The following ERC1 variants were observed in gnomAD, a reference collection of about 807,000 sequenced individuals.
The protein encoded by ERC1 is RAB6 interacting protein 2.
A neutral mutation model predicts 132.0 loss-of-function variants in ERC1; 56 were observed. That is an observed-to-expected ratio of 0.42 (90% CI 0.34 to 0.53). The LOEUF is 0.53. Among genes scored for constraint, ERC1 ranks in the 20% least tolerant of loss-of-function variants. The pLI is 0.03. For synonymous variants in ERC1, 478 were observed against 476.1 expected (o/e 1.00, Z -0.05); for missense variants, 1,202 against 1,349.9 (o/e 0.89, Z 1.72).
At chr12:1,108,867 G>A (rs1248449483) in intron 4 of ERC1, among the ~76,000 whole-genome samples, 1 of 152,158 alleles carries the variant, frequency 6.6e-6, no homozygotes, top group Non-Finnish European at 1.5e-5. Context: ...CCTTGAACCT[G>A]AAAATAGCTA....
chr12:1,255,768 G>A (rs1197956319), intron 13 of ERC1, among the ~76,000 whole-genome samples: 2 of 151,192 alleles, frequency 1.3e-5, no homozygotes, highest in East Asian at 3.9e-4. Context: ...GAGTAGCTGG[G>A]ACTACAGGCA....
intron 7 of ERC1, among the ~76,000 whole-genome samples, chr12:1,135,036 G>C (rs1338607087): frequency 6.6e-6 from 1 of 152,140 alleles, no homozygotes. Context: ...CCGGTCCTCA[G>C]TAATCTTTAA....
chr12:1,004,379 A>C (rs116220829), intron 1 of ERC1, among the ~76,000 whole-genome samples: 1,721 of 145,268 alleles, frequency 0.012, 36 homozygotes, highest in African/African-American at 0.039. Context: ...TGGTTAATAA[A>C]TTTCTTTCTT....
At chr12:1,020,925 G>T (rs1416167924) in intron 1 of ERC1, 1 of 152,084 alleles carries the variant, frequency 6.6e-6, no homozygotes, top group Admixed American at 6.6e-5. Context: ...TCAGGAGAAT[G>T]AATCTTCCAT....
At chr12:1,228,617 A>C (rs1160735701) in intron 12 of ERC1, among the ~76,000 whole-genome samples, 1 of 152,136 alleles carries the variant, frequency 6.6e-6, no homozygotes, top group Non-Finnish European at 1.5e-5. Flanking sequence ...TCCTGATGTT[A>C]GGGGAAAAGC....
chr12:1,441,104 C>T (rs2093139371), intron 17 of ERC1, among the ~76,000 whole-genome samples: 1 of 151,460 alleles, frequency 6.6e-6, no homozygotes, highest in Non-Finnish European at 1.5e-5. Flanking sequence ...CAATGCCCAG[C>T]CTGGAGTGCA....
rs186522555 is a variant in ERC1 at position 1,157,452 on chromosome 12, G to C, written c.1737+15665G>C. 4.4e-3 allele frequency among the ~76,000 whole-genome samples: 664 copies of C among 152,186 alleles called. 5 individuals carry two copies. Among genetic ancestry groups the C allele is most frequent in the Non-Finnish European group, 7.0e-3 (475 of 68,012 alleles). On this transcript the variant is annotated intron_variant, in intron 8 of 18. Coordinates refer to ENST00000360905, the MANE Select transcript of ERC1 (RefSeq NM_178040.4). ...TGGTTTATAAAATTTATATATTGCCGTAATGATTCAGTTTTATGTTTTTAC... is the reference window on the plus strand; with the variant it reads ...TGGTTTATAAAATTTATATATTGCCCTAATGATTCAGTTTTATGTTTTTAC...
rs2094309956 is a variant in ERC1 at position 1,490,716 on chromosome 12, T to C, written c.*486T>C. ...AGGGCAAAAAACAATCTCAAAAAGA[T>C]TAGAAAAAGAGAAGGGGGGAAGGGA... On this transcript the variant is annotated 3_prime_UTR_variant, in exon 19 of 19. Transcript: ENST00000360905. The C allele has an allele frequency of 8.5e-6, 2 of 233,950 alleles. No homozygotes were observed. The highest frequency in any genetic ancestry group is 1.1e-4 in the Admixed American group (2 of 17,942). 14.5% of individuals were successfully genotyped at this position (233,950 alleles called of 1,614,324 possible).
At chr12:1,395,102 A>ATT (rs2090419460) in intron 16 of ERC1, among the ~76,000 whole-genome samples, 1 of 152,202 alleles carries the variant, frequency 6.6e-6, no homozygotes, top group African/African-American at 2.4e-5. Context: ...CTAGAATTGG[A>ATT]TTGCATTAGG....
chr12:1,394,270 G>T (rs761709425), intron 16 of ERC1, among the ~76,000 whole-genome samples: 5 of 149,958 alleles, frequency 3.3e-5, no homozygotes, highest in Admixed American at 2.0e-4. Context: ...CGTGGTGGCG[G>T]GCTCCTGTAG....
At position 1,490,524 on chromosome 12, in the gene ERC1, G is replaced by A. The variant is rs1220566255; in HGVS notation, c.*294G>A. ...GCAGTGGAGAACTGTGGGAGCTGGTGGCTCTGCCCTGACAGAGAGCCATGG... is the reference window on the plus strand; with the variant it reads ...GCAGTGGAGAACTGTGGGAGCTGGTAGCTCTGCCCTGACAGAGAGCCATGG... On this transcript the variant is annotated 3_prime_UTR_variant, in exon 19 of 19. Coordinates refer to ENST00000360905, the MANE Select transcript of ERC1 (RefSeq NM_178040.4). 2.7e-6 allele frequency: 1 copy of A among 363,676 alleles called. No individual in the cohort carries two copies. The highest frequency in any genetic ancestry group is 2.0e-5 in the African/African-American group (1 of 50,744). The allele number at this position is 363,676 out of a possible 1,614,324, so 22.5% of individuals were successfully genotyped here. A position where few individuals can be genotyped will look rare whatever the true frequency, so the allele number is the denominator to read the frequency against.
rs577548891 is a variant in ERC1, at chr12:1,406,652, A to G, written c.2926-1497A>G. Among the ~76,000 whole-genome samples the G allele has an allele frequency of 6.6e-5, 10 of 152,268 alleles. No individual in the cohort carries two copies. In the South Asian group the frequency reaches 1.9e-3, roughly 28 times the overall value. ...TTGTACTTTATTTTTTAAATTATCT[A>G]TAATGCCAGGAGTTCAAGACCACCC... On this transcript the variant is annotated intron_variant, in intron 16 of 18. Coordinates refer to ENST00000360905, the MANE Select transcript of ERC1 (RefSeq NM_178040.4).
chr12:1,076,019 T>A lies in ERC1; in HGVS notation c.670-7145T>A, dbSNP rs117027178. ...ATGAGTTTAGCTCATAGTGATCTTATAGGTTCTAAGCTTCATTTGAATATA... is the reference window on the plus strand; with the variant it reads ...ATGAGTTTAGCTCATAGTGATCTTAAAGGTTCTAAGCTTCATTTGAATATA... On this transcript the variant is annotated intron_variant, in intron 2 of 18. Coordinates refer to ENST00000360905, the MANE Select transcript of ERC1 (RefSeq NM_178040.4). 1.7e-3 allele frequency among the ~76,000 whole-genome samples: 266 copies of A among 152,378 alleles called. 1 individual carries two copies. The highest frequency in any genetic ancestry group is 3.1e-3 in the Non-Finnish European group (214 of 68,038).
At chr12:1,249,764 C>A (rs1004089407) in intron 13 of ERC1, among the ~76,000 whole-genome samples, 1 of 152,188 alleles carries the variant, frequency 6.6e-6, no homozygotes, top group Non-Finnish European at 1.5e-5. Flanking sequence ...TCTCACAGTT[C>A]TGTGCCTGGA....
At chr12:1,394,023 AAAAAAAAAAACAAAAAAAAAACCAC>A (rs1436855832) in intron 16 of ERC1, among the ~76,000 whole-genome samples, 1 of 105,992 alleles carries the variant, frequency 9.4e-6, no homozygotes, top group Non-Finnish European at 1.9e-5. Flanking sequence ...CTCAAAAAAA[AAAAAAAAAAACAAAAAAAAAACCAC>A]AAAGCATTAA....
At chr12:1,482,336 G>C (rs910787008) in intron 18 of ERC1, among the ~76,000 whole-genome samples, 1 of 145,018 alleles carries the variant, frequency 6.9e-6, no homozygotes, top group Non-Finnish European at 1.5e-5. Context: ...CTTCCTTTCT[G>C]TCCAGACTAC....
intron 7 of ERC1, among the ~76,000 whole-genome samples, chr12:1,130,907 C>G (rs767600765): frequency 5.9e-5 from 9 of 151,996 alleles, no homozygotes; most frequent in Admixed American, 1.3e-4. Context: ...TGGACTTGAG[C>G]AAGTTACTTA....
intron 16 of ERC1, among the ~76,000 whole-genome samples, chr12:1,402,633 A>G (rs2091175274): frequency 6.6e-6 from 1 of 151,848 alleles, no homozygotes; most frequent in Non-Finnish European, 1.5e-5. Flanking sequence ...ACACACACAC[A>G]CACACACACA....
At chr12:1,197,014 T>C (rs1340357586) in intron 12 of ERC1, among the ~76,000 whole-genome samples, 2 of 137,268 alleles carry the variant, frequency 1.5e-5, no homozygotes, top group African/African-American at 2.8e-5. Flanking sequence ...AGATTTTCCC[T>C]CTGTCACCCA....
Sources: allele counts gnomAD v4.1 joint callset (sites outside exome capture counted in the v4.1 genomes callset), GRCh38; gene constraint gnomAD v4.1.1; transcripts MANE v1.5; gene names NCBI Gene and HGNC (gene_info 2026-07-23, HGNC 2026-07-21).